The following FREM2 variants were observed in gnomAD, a reference collection of about 807,000 sequenced individuals.
FREM2 encodes the protein FRAS1 related extracellular matrix 2.
FREM2 carries 119 observed loss-of-function variants against 219.9 expected under a neutral mutation model. The observed-to-expected ratio is 0.54, with a 90% CI of 0.47 to 0.63. The LOEUF (loss-of-function observed/expected upper bound fraction) is 0.63. Ranked by LOEUF, FREM2 falls within the 30% of genes least tolerant of loss-of-function variation. The pLI, the probability that FREM2 is intolerant of heterozygous loss-of-function variation, is 0.00. For missense variants in FREM2, 4,030 were observed against 3,993.6 expected, an observed-to-expected ratio of 1.01 and a Z score of -0.25; for synonymous variants, 1,562 against 1,522.8, an observed-to-expected ratio of 1.03 and a Z score of -0.60.
At chr13:38,730,930 GT>G (rs11368804) in intron 2 of FREM2, among the ~76,000 whole-genome samples, 13 of 148,862 alleles carry the variant, frequency 8.7e-5, no homozygotes, top group African/African-American at 1.5e-4. Flanking sequence ...TTTTCTGTAA[GT>G]TTTTTTTTTT....
chr13:38,771,356 A>G (rs761234827), intron 4 of FREM2, among the ~76,000 whole-genome samples: 18 of 152,170 alleles, frequency 1.2e-4, no homozygotes, highest in Non-Finnish European at 2.4e-4. Flanking sequence ...GCTTTAATAC[A>G]TATAAATTGA....
chr13:38,705,493 CAGTT>C (rs1870501975), intron 2 of FREM2, among the ~76,000 whole-genome samples: 1 of 152,304 alleles, frequency 6.6e-6, no homozygotes, highest in South Asian at 2.1e-4. Context: ...TCTTCCATCA[CAGTT>C]AGAAGCGCAG....
At chr13:38,750,702 T>C (rs1045035881) in intron 2 of FREM2, among the ~76,000 whole-genome samples, 2 of 151,912 alleles carry the variant, frequency 1.3e-5, no homozygotes, top group Admixed American at 1.3e-4. Flanking sequence ...TTTTCTTCTT[T>C]TTTTTTTTTG....
At chr13:38,709,782 A>T (rs1870692375) in intron 2 of FREM2, among the ~76,000 whole-genome samples, 1 of 129,842 alleles carries the variant, frequency 7.7e-6, no homozygotes, top group African/African-American at 2.7e-5. Flanking sequence ...AAACCCTTCT[A>T]ATGACTTTAC....
At chr13:38,857,561 T>C (rs1877606263) in intron 12 of FREM2, among the ~76,000 whole-genome samples, 1 of 152,118 alleles carries the variant, frequency 6.6e-6, no homozygotes, top group African/African-American at 2.4e-5. Context: ...CCAAGACACA[T>C]TTAGCTACTG....
In FREM2 at chr13:38,690,581, A is replaced by G. The variant is rs766277527; in HGVS notation, c.3237A>G (p.Glu1079=). The G allele has an allele frequency of 1.2e-6, 2 of 1,614,142 alleles. No individual in the cohort carries two copies. Among genetic ancestry groups the G allele is most frequent in the South Asian group, 1.1e-5 (1 of 91,088 alleles). Residue 1079 remains glutamate (E), a synonymous_variant, in exon 1 of 24, where the codon GAA becomes GAG. Transcript: ENST00000280481. The stretch of plus-strand genomic sequence containing the variant: ...TAGGTGAACAGTTGATAGTAATGGA[A>G]GGTGATAAAAGTGTTATAACATCAG... The part of the protein sequence containing the change: ...IFVGEQLIVM[E]GDKSVITSVH...
intron 6 of FREM2, among the ~76,000 whole-genome samples, chr13:38,837,567 G>A (rs1461709175): frequency 1.3e-5 from 2 of 152,060 alleles, no homozygotes; most frequent in African/African-American, 4.8e-5. Flanking sequence ...TTATTGTGTG[G>A]GAGTCTAAGT....
intron 2 of FREM2, among the ~76,000 whole-genome samples, chr13:38,745,031 T>C (rs1385962416): frequency 6.6e-6 from 1 of 152,216 alleles, no homozygotes; most frequent in Non-Finnish European, 1.5e-5. Flanking sequence ...TTGTTTTCTC[T>C]AAAGCAAATG....
intron 1 of FREM2, among the ~76,000 whole-genome samples, chr13:38,694,241 A>T (rs2138075185): frequency 6.6e-6 from 1 of 152,278 alleles, no homozygotes; most frequent in South Asian, 2.1e-4. Context: ...ACCATGATTA[A>T]TTTTTGTCAT....
intron 4 of FREM2, among the ~76,000 whole-genome samples, chr13:38,774,739 A>G (rs1303265545): frequency 2.0e-5 from 3 of 152,206 alleles, no homozygotes; most frequent in Non-Finnish European, 4.4e-5. Flanking sequence ...TTGACTTAGT[A>G]ATTTCTAGCC....
chr13:38,694,458 G>A (rs915571533), intron 1 of FREM2, among the ~76,000 whole-genome samples: 11 of 152,158 alleles, frequency 7.2e-5, no homozygotes, highest in African/African-American at 4.8e-5. Flanking sequence ...TTTAAAAAAC[G>A]GAGAAAGCGC....
At chr13:38,767,040 G>T (rs187920060) in intron 3 of FREM2, among the ~76,000 whole-genome samples, 15 of 152,282 alleles carry the variant, frequency 9.9e-5, no homozygotes, top group Non-Finnish European at 2.9e-5. Context: ...AAATAGAGAG[G>T]CTGTGACATG....
At chr13:38,758,245 T>C (rs566210793) in intron 2 of FREM2, among the ~76,000 whole-genome samples, 1 of 152,348 alleles carries the variant, frequency 6.6e-6, no homozygotes, top group Non-Finnish European at 1.5e-5. Context: ...GCCTACCACA[T>C]TGAATTCTTT....
rs1877437532 is a variant in FREM2, at chr13:38,853,205, G to A, written c.6925+1337G>A. ...TAGCCAGGCGTGGTGGCACACGCCTGTAATCCCAGCTACTTGGGAGCCTGA... is the reference window on the plus strand; with the variant it reads ...TAGCCAGGCGTGGTGGCACACGCCTATAATCCCAGCTACTTGGGAGCCTGA... On this transcript the variant is annotated intron_variant, in intron 11 of 23. Coordinates refer to ENST00000280481, the MANE Select transcript of FREM2 (RefSeq NM_207361.6). Among the ~76,000 whole-genome samples the A allele has an allele frequency of 2.7e-5, 4 of 150,478 alleles. No individual in the cohort carries two copies. In the Admixed American group the frequency reaches 2.7e-4, roughly 10 times the overall value.
At position 38,748,725 on chromosome 13, in the gene FREM2, A is replaced by G. The variant is rs536193567; in HGVS notation, c.5264-15579A>G. 5.3e-5 allele frequency among the ~76,000 whole-genome samples: 8 copies of G among 152,280 alleles called. No individual in the cohort carries two copies. The East Asian group carries it at 1.3e-3, about 26-fold the overall frequency. ...AGCTTATTTTTCCCTTAGTTAACAT[A>G]GAGTGATTTTTTTTAAAATGTAATA... On this transcript the variant is annotated intron_variant, in intron 2 of 23. Transcript: ENST00000280481.
chr13:38,877,007 G>T (rs1413403643), intron 20 of FREM2, 110 bp from the exon 21 acceptor site: 2 of 1,255,814 alleles, frequency 1.6e-6, no homozygotes, highest in Non-Finnish European at 2.3e-6. Context: ...AAATTGCGAT[G>T]CAGTGTTTAG....
At chr13:38,740,083 A>G (rs866070418) in intron 2 of FREM2, among the ~76,000 whole-genome samples, 1 of 6,238 alleles carries the variant, frequency 1.6e-4, no homozygotes, top group Admixed American at 3.5e-3. Context: ...CATATTTTAC[A>G]AGAACTTTTC....
At position 38,687,514 on chromosome 13, in the gene FREM2, C is replaced by G. The variant is rs1318191276; in HGVS notation, c.170C>G (p.Ser57Cys). 2.8e-5 allele frequency: 45 copies of G among 1,596,754 alleles called. No individual in the cohort carries two copies. The highest frequency in any genetic ancestry group is 3.7e-5 in the Non-Finnish European group (43 of 1,172,064). Residue 57 changes from serine to cysteine, a missense_variant, in exon 1 of 24, where the codon TCC becomes TGC. Coordinates refer to ENST00000280481, the MANE Select transcript of FREM2 (RefSeq NM_207361.6). Reference sequence around the variant, plus strand: ...GCTGCCTTCGGCAGGGCGTTGCTGTCCCCTGGTCTCGCGGGGGCTGCAGGG... The same window carrying G: ...GCTGCCTTCGGCAGGGCGTTGCTGTGCCCTGGTCTCGCGGGGGCTGCAGGG... Reference protein sequence around the residue: ...QPAAFGRALLSPGLAGAAGVP... With the variant: ...QPAAFGRALLCPGLAGAAGVP...
chr13:38,839,111 C>T (rs187912787), intron 6 of FREM2, among the ~76,000 whole-genome samples: 1 of 152,304 alleles, frequency 6.6e-6, no homozygotes, highest in Non-Finnish European at 1.5e-5. Flanking sequence ...TACCTTTGGT[C>T]TTTGCTGTTG....
Sources: allele counts gnomAD v4.1 joint callset (sites outside exome capture counted in the v4.1 genomes callset), GRCh38; gene constraint gnomAD v4.1.1; transcripts MANE v1.5; gene names NCBI Gene and HGNC (gene_info 2026-07-23, HGNC 2026-07-21).